GRIK2: variants seen among roughly 807,000 people sequenced by gnomAD.
The protein encoded by GRIK2 is glutamate ionotropic receptor kainate type subunit 2, also known as glutamate receptor ionotropic, kainate 2.
GRIK2 carries 32 observed loss-of-function variants against 100.3 expected under a neutral mutation model. The ratio of observed to expected loss-of-function variants is 0.32; its 90% CI spans 0.24 to 0.43. The LOEUF is 0.43. GRIK2 is among the 20% of genes least tolerant of loss of function. The pLI, the probability that GRIK2 is intolerant of heterozygous loss-of-function variation, is 1.00. For missense variants in GRIK2, 843 were observed against 1,114.9 expected, an observed-to-expected ratio of 0.76 and a Z score of 3.47; for synonymous variants, 417 against 389.4, an observed-to-expected ratio of 1.07 and a Z score of -0.83.
rs1777839109 is a variant in GRIK2, at chr6:101,763,199, C to T, written c.952-36449C>T. Among the ~76,000 whole-genome samples the T allele has an allele frequency of 2.6e-5, 4 of 152,288 alleles. No individual in the cohort carries two copies. The South Asian group carries it at 6.2e-4, about 24-fold the overall frequency. ...AAAATCAAAGTGGCTGTCCCTACTG[C>T]TTTGATTTGATGACAATGTGGTAAG... On this transcript the variant is annotated intron_variant, in intron 7 of 16. Transcript: ENST00000369134.
chr6:101,807,836 G>T (rs530191873), intron 9 of GRIK2, among the ~76,000 whole-genome samples: 112 of 152,094 alleles, frequency 7.4e-4, no homozygotes, highest in African/African-American at 2.6e-3. Context: ...GTCATAGTTT[G>T]TCATCACACA....
chr6:101,874,643 G>C, intron 11 of GRIK2, among the ~76,000 whole-genome samples: 1 of 152,110 alleles, frequency 6.6e-6, no homozygotes, highest in East Asian at 1.9e-4. Context: ...GAAAGTCATT[G>C]GTAGCTTGAT....
At chr6:101,681,746 A>T (rs889205118) in intron 5 of GRIK2, among the ~76,000 whole-genome samples, 2 of 152,098 alleles carry the variant, frequency 1.3e-5, no homozygotes, top group African/African-American at 4.8e-5. Flanking sequence ...TGGCTTTTGG[A>T]AGGCTATTAG....
chr6:101,538,847 A>G (rs981750771), intron 2 of GRIK2, among the ~76,000 whole-genome samples: 4 of 151,772 alleles, frequency 2.6e-5, no homozygotes, highest in Admixed American at 6.6e-5. Context: ...TGTTGCCTTG[A>G]TGAATGTTTT....
At chr6:101,709,305 A>T (rs1226837047) in intron 7 of GRIK2, among the ~76,000 whole-genome samples, 1 of 151,760 alleles carries the variant, frequency 6.6e-6, no homozygotes, top group Non-Finnish European at 1.5e-5. Context: ...ACCTGAGAAA[A>T]TAAATGTCTG....
At chr6:101,875,111 G>A (rs970722955) in intron 11 of GRIK2, among the ~76,000 whole-genome samples, 3 of 151,970 alleles carry the variant, frequency 2.0e-5, no homozygotes, top group African/African-American at 7.2e-5. Context: ...TGATTGCCCT[G>A]GCCAGAACTT....
chr6:101,955,671 T>G (rs555119406), intron 14 of GRIK2, among the ~76,000 whole-genome samples: 8 of 151,368 alleles, frequency 5.3e-5, no homozygotes, highest in Non-Finnish European at 7.4e-5. Context: ...AAGGAATTTA[T>G]CCATTTCATC....
chr6:101,609,734 A>C (rs958460107), intron 2 of GRIK2, among the ~76,000 whole-genome samples: 1 of 151,838 alleles, frequency 6.6e-6, no homozygotes, highest in Admixed American at 6.6e-5. Context: ...TAAGTCCGAT[A>C]AGTCAAAGAA....
chr6:101,908,392 CT>C (rs1187971777), intron 12 of GRIK2, among the ~76,000 whole-genome samples: 4 of 13,186 alleles, frequency 3.0e-4, no homozygotes, highest in Non-Finnish European at 5.9e-4. Flanking sequence ...CTTCATGCAG[CT>C]TAGATAATAT....
At chr6:101,868,998 G>A (rs1408098320) in intron 11 of GRIK2, among the ~76,000 whole-genome samples, 3 of 151,754 alleles carry the variant, frequency 2.0e-5, no homozygotes, top group African/African-American at 7.3e-5. Flanking sequence ...GAAACATGAG[G>A]GAGTATATCT....
At chr6:101,800,853 C>T (rs1006350895) in intron 8 of GRIK2, among the ~76,000 whole-genome samples, 45 of 151,944 alleles carry the variant, frequency 3.0e-4, no homozygotes, top group African/African-American at 1.1e-3. Flanking sequence ...GAAACAATGA[C>T]GTGTCAAGCA....
intron 4 of GRIK2, among the ~76,000 whole-genome samples, chr6:101,662,772 T>C (rs191185362): frequency 7.9e-5 from 12 of 152,228 alleles, no homozygotes; most frequent in Admixed American, 6.5e-4. Flanking sequence ...ACATAAGTCA[T>C]TGAAGAAAAA....
chr6:101,501,828 G>A (rs1773762121), intron 2 of GRIK2, among the ~76,000 whole-genome samples: 1 of 152,124 alleles, frequency 6.6e-6, no homozygotes, highest in Non-Finnish European at 1.5e-5. Flanking sequence ...CTTGATCTCT[G>A]CTCACTGCAA....
chr6:101,699,252 T>G (rs759757588), intron 7 of GRIK2, among the ~76,000 whole-genome samples: 195 of 152,212 alleles, frequency 1.3e-3, no homozygotes, highest in Middle Eastern at 0.01. Flanking sequence ...TTGCCTTGAG[T>G]GTTGAAGGCC....
rs540099584 is a variant in GRIK2, at chr6:101,902,170, A to G, written c.1748+12307A>G. 2.8e-3 allele frequency among the ~76,000 whole-genome samples: 427 copies of G among 152,118 alleles called. 1 individual carries two copies. The highest frequency in any genetic ancestry group is 4.9e-3 in the Non-Finnish European group (334 of 67,884). On this transcript the variant is annotated intron_variant, in intron 12 of 16. Transcript: ENST00000369134. ...CACAATAACAAATATCAAACTACCA[A>G]TGGGAGGGTCACCGAATACAGATTT...
rs576272662 is a variant in GRIK2 at position 101,417,947 on chromosome 6, G to A, written c.115+18555G>A. 4.6e-5 allele frequency among the ~76,000 whole-genome samples: 7 copies of A among 152,314 alleles called. No homozygotes were observed. The South Asian group carries it at 6.2e-4, about 14-fold the overall frequency. On this transcript the variant is annotated intron_variant, in intron 2 of 16. Coordinates refer to ENST00000369134, the MANE Select transcript of GRIK2 (RefSeq NM_021956.5). Reference sequence around the variant, plus strand: ...TTTTTGTTATCCTGAAAATCTGGGTGTGGAAGAACTGTTGAACAATAGGTT... The same window carrying A: ...TTTTTGTTATCCTGAAAATCTGGGTATGGAAGAACTGTTGAACAATAGGTT...
At chr6:101,753,145 G>A (rs1468816886) in intron 7 of GRIK2, among the ~76,000 whole-genome samples, 3 of 151,948 alleles carry the variant, frequency 2.0e-5, no homozygotes, top group Admixed American at 6.6e-5. Flanking sequence ...AGCCTGGCGT[G>A]GTGGCGGGCG....
At chr6:101,667,883 G>A (rs1770146225) in intron 4 of GRIK2, among the ~76,000 whole-genome samples, 1 of 151,996 alleles carries the variant, frequency 6.6e-6, no homozygotes, top group South Asian at 2.1e-4. Flanking sequence ...CACAGAACTG[G>A]ACTCAGAAAG....
intron 7 of GRIK2, among the ~76,000 whole-genome samples, chr6:101,793,026 A>T (rs2128409337): frequency 6.6e-6 from 1 of 152,098 alleles, no homozygotes; most frequent in East Asian, 1.9e-4. Context: ...TGCATTCTTC[A>T]CGCAGTTCTC....
Sources: allele counts gnomAD v4.1 joint callset (sites outside exome capture counted in the v4.1 genomes callset), GRCh38; gene constraint gnomAD v4.1.1; transcripts MANE v1.5; gene names NCBI Gene and HGNC (gene_info 2026-07-23, HGNC 2026-07-21).